The following LIPI variants were observed in gnomAD, a reference collection of about 807,000 sequenced individuals.
The protein encoded by LIPI is lipase I.
Under a neutral mutation model 50.6 loss-of-function variants are expected in LIPI, and 59 were observed. The observed-to-expected ratio is 1.16, with a 90% CI of 0.94 to 1.45. LIPI has a LOEUF of 1.45. Among genes scored for constraint, LIPI ranks in the 40% most tolerant of loss-of-function variants. LIPI has a pLI of 0.00. For missense variants in LIPI, 586 were observed against 536.3 expected, an observed-to-expected ratio of 1.09 and a Z score of -0.92; for synonymous variants, 203 against 178.2, an observed-to-expected ratio of 1.14 and a Z score of -1.11.
intron 4 of LIPI, among the ~76,000 whole-genome samples, chr21:14,175,797 T>C (rs968385906): frequency 2.0e-5 from 3 of 152,150 alleles, no homozygotes; most frequent in African/African-American, 7.2e-5. Flanking sequence ...GTCTTCTCTT[T>C]TTGTTCTGTT....
chr21:14,163,315 C>T, intron 7 of LIPI, 104 bp downstream of exon 7: 1 of 649,146 alleles, frequency 1.5e-6, no homozygotes, highest in South Asian at 1.8e-5. Flanking sequence ...CCTGAAAGAA[C>T]ATGATGGAAT....
intron 1 of LIPI, among the ~76,000 whole-genome samples, chr21:14,206,215 G>A (rs961260233): frequency 6.6e-6 from 1 of 152,088 alleles, no homozygotes; most frequent in African/African-American, 2.4e-5. Context: ...GACGTGAGCA[G>A]CTGAGACTCA....
intron 1 of LIPI, among the ~76,000 whole-genome samples, chr21:14,199,469 T>C (rs1354904426): frequency 2.6e-5 from 4 of 151,810 alleles, no homozygotes; most frequent in Non-Finnish European, 5.9e-5. Context: ...CTTCTATGCA[T>C]ATCAACCAGA....
chr21:14,178,749 C>A (rs895178791), intron 4 of LIPI, among the ~76,000 whole-genome samples: 6 of 152,120 alleles, frequency 3.9e-5, no homozygotes, highest in African/African-American at 1.4e-4. Context: ...TGCTGTTTCT[C>A]ATTCACGCTG....
chr21:14,190,506 T>C (rs1353684202), intron 1 of LIPI, among the ~76,000 whole-genome samples: 1 of 152,126 alleles, frequency 6.6e-6, no homozygotes, highest in Admixed American at 6.6e-5. Flanking sequence ...CAGAAAAACA[T>C]AGCAAAACAA....
chr21:14,116,326 C>T (rs976028909), intron 9 of LIPI, among the ~76,000 whole-genome samples: 7 of 152,088 alleles, frequency 4.6e-5, no homozygotes, highest in East Asian at 1.9e-4. Context: ...TAGGTCAGTG[C>T]GTAAGGCCGA....
intron 9 of LIPI, among the ~76,000 whole-genome samples, chr21:14,125,048 A>T (rs934772161): frequency 8.5e-5 from 13 of 152,142 alleles, no homozygotes; most frequent in African/African-American, 3.1e-4. Context: ...ATCTTTCAAA[A>T]TGAAGATAAC....
intron 4 of LIPI, among the ~76,000 whole-genome samples, chr21:14,181,323 A>C (rs1273207568): frequency 6.6e-6 from 1 of 152,198 alleles, no homozygotes; most frequent in East Asian, 1.9e-4. Context: ...ACATTTAAGG[A>C]AGACTATTCT....
intron 8 of LIPI, among the ~76,000 whole-genome samples, chr21:14,149,814 C>T (rs980996402): frequency 6.6e-6 from 1 of 152,156 alleles, no homozygotes; most frequent in Non-Finnish European, 1.5e-5. Context: ...AGGTGAGCTC[C>T]CATAGCTTTA....
intron 9 of LIPI, among the ~76,000 whole-genome samples, chr21:14,125,607 G>T (rs1036390137): frequency 3.3e-5 from 5 of 152,188 alleles, no homozygotes; most frequent in Non-Finnish European, 7.3e-5. Context: ...ACCCAGCCTG[G>T]AGAGCAGTGG....
rs144610530 is a variant in LIPI, at chr21:14,195,714, T to C, written c.47-6295A>G. On this transcript the variant is annotated intron_variant, in intron 1 of 9. Transcript: ENST00000681601. ...TTAAGAATATGAATATGCAGACTTGTGTATCTGAAAAATACTTGTATCTAG... is the reference window on the plus strand; with the variant it reads ...TTAAGAATATGAATATGCAGACTTGCGTATCTGAAAAATACTTGTATCTAG... Among the ~76,000 whole-genome samples the C allele has an allele frequency of 7.9e-5, 12 of 152,296 alleles. No individual in the cohort carries two copies. The East Asian group carries it at 2.3e-3, about 29-fold the overall frequency.
At chr21:14,169,857 T>TA (rs1273841899) in intron 4 of LIPI, among the ~76,000 whole-genome samples, 1 of 151,842 alleles carries the variant, frequency 6.6e-6, no homozygotes, top group Non-Finnish European at 1.5e-5. Flanking sequence ...AAGAAATAAC[T>TA]AAAATCAGAG....
chr21:14,182,936 G>C (rs1411572382), intron 3 of LIPI, among the ~76,000 whole-genome samples: 1 of 152,154 alleles, frequency 6.6e-6, no homozygotes, highest in Non-Finnish European at 1.5e-5. Flanking sequence ...TCCCCATCAA[G>C]CTACCAATGA....
chr21:14,141,406 GC>G (rs2017703129), intron 9 of LIPI, among the ~76,000 whole-genome samples: 3 of 148,302 alleles, frequency 2.0e-5, no homozygotes, highest in African/African-American at 7.5e-5. Context: ...TTTTAACTCA[GC>G]CAACCTTCTT....
At chr21:14,180,891 T>A (rs932900332) in intron 4 of LIPI, among the ~76,000 whole-genome samples, 4 of 152,174 alleles carry the variant, frequency 2.6e-5, no homozygotes, top group Non-Finnish European at 5.9e-5. Context: ...GCAATCTTAG[T>A]GTCACTGCCC....
chr21:14,209,950 T>G (rs551509282), intron 1 of LIPI, among the ~76,000 whole-genome samples: 1 of 151,964 alleles, frequency 6.6e-6, no homozygotes, highest in Non-Finnish European at 1.5e-5. Context: ...TATATTTAAA[T>G]ATAAAATTCA....
chr21:14,204,384 AAG>A (rs1404847477), intron 1 of LIPI, among the ~76,000 whole-genome samples: 3 of 152,070 alleles, frequency 2.0e-5, no homozygotes, highest in East Asian at 3.9e-4. Context: ...AAAATGAAAA[AAG>A]AAATTTTTAA....
At chr21:14,130,195 C>A (rs1403245092) in intron 9 of LIPI, among the ~76,000 whole-genome samples, 2 of 152,244 alleles carry the variant, frequency 1.3e-5, no homozygotes, top group African/African-American at 4.8e-5. Context: ...TGAAAGATAG[C>A]CAGGTGTGGG....
At chr21:14,175,923 A>C (rs1378175044) in intron 4 of LIPI, among the ~76,000 whole-genome samples, 1 of 152,160 alleles carries the variant, frequency 6.6e-6, no homozygotes, top group African/African-American at 2.4e-5. Context: ...TCAAGTCTGT[A>C]ATCCCAGCAC....
Sources: gnomAD v4.1 joint callset for allele counts (sites outside exome capture counted in the v4.1 genomes callset) on GRCh38, gnomAD v4.1.1 for gene constraint, MANE v1.5 for transcripts, NCBI Gene and HGNC (gene_info 2026-07-23, HGNC 2026-07-21) for gene names.